GLIS3: variants seen among roughly 807,000 people sequenced by gnomAD.
The protein encoded by GLIS3 is zinc finger protein GLIS3.
Under a neutral mutation model 78.6 loss-of-function variants are expected in GLIS3, and 53 were observed. The observed-to-expected ratio is 0.67, with a 90% CI of 0.54 to 0.85. GLIS3 has a LOEUF of 0.85. Among genes scored for constraint, GLIS3 ranks in the 40% least tolerant of loss-of-function variants. GLIS3 has a pLI of 0.00. For missense variants in GLIS3, 1,703 were observed against 1,231.1 expected (o/e 1.38, Z -5.74); for synonymous variants, 684 against 509.9 (o/e 1.34, Z -4.60).
In GLIS3 at chr9:4,213,746, G is replaced by A. The variant is rs116228242; in HGVS notation, c.388+72292C>T. ...ACTTGATAAATATTTGGGAATTAAT[G>A]CATAATATACATGTGCTCTGAGTGC... On this transcript the variant is annotated intron_variant, in intron 2 of 10. Transcript: ENST00000381971. Among the ~76,000 whole-genome samples, 445 of 152,134 alleles carry A rather than the reference G, an allele frequency of 2.9e-3. 2 individuals are homozygous for A. Among genetic ancestry groups the A allele is most frequent in the African/African-American group, 1.0e-2 (414 of 41,508 alleles).
chr9:4,345,659 T>G (rs10974482), intron 2 of GLIS3, among the ~76,000 whole-genome samples: 31,175 of 152,156 alleles, frequency 0.2, 3,364 homozygotes, highest in East Asian at 0.34. Flanking sequence ...ATACAGAAAT[T>G]TATCTTCTTT....
chr9:4,272,309 C>T (rs867986214), intron 2 of GLIS3, among the ~76,000 whole-genome samples: 1 of 152,224 alleles, frequency 6.6e-6, no homozygotes, highest in Admixed American at 6.5e-5. Context: ...TACACCACCA[C>T]ACATAGTAGA....
intron 4 of GLIS3, among the ~76,000 whole-genome samples, chr9:4,007,008 A>T (rs142275716): frequency 9.2e-5 from 14 of 152,336 alleles, no homozygotes; most frequent in Middle Eastern, 3.4e-3. Flanking sequence ...AAGTGATGAT[A>T]TATTGGTGAT....
At chr9:4,314,358 GCT>G (rs370074317) in intron 2 of GLIS3, among the ~76,000 whole-genome samples, 1 of 152,138 alleles carries the variant, frequency 6.6e-6, no homozygotes, top group Non-Finnish European at 1.5e-5. Flanking sequence ...GCCACCCAAT[GCT>G]CTCTGTTTCC....
intron 2 of GLIS3, among the ~76,000 whole-genome samples, chr9:4,242,908 T>G (rs2129729683): frequency 6.6e-6 from 1 of 152,370 alleles, no homozygotes; most frequent in East Asian, 1.9e-4. Context: ...TTTTAAATTA[T>G]GTATGCCATT....
chr9:4,440,598 C>A, the GLIS3 span, among the ~76,000 whole-genome samples: 8 of 152,194 alleles, frequency 5.3e-5, no homozygotes, highest in East Asian at 1.5e-3. Context: ...TAGTGTTACA[C>A]CTTTGTTCAG....
chr9:3,908,702 A>ATTTTTTTTTT (rs1223677932), intron 6 of GLIS3, among the ~76,000 whole-genome samples: 2 of 29,078 alleles, frequency 6.9e-5, no homozygotes, highest in Non-Finnish European at 6.5e-5. Flanking sequence ...TGTGATTTGT[A>ATTTTTTTTTT]TTTGTTTTTT....
chr9:3,900,946 A>T (rs1331857207), intron 6 of GLIS3: 1 of 152,258 alleles, frequency 6.6e-6, no homozygotes, highest in East Asian at 1.9e-4. Context: ...AAAGAAGAAG[A>T]AACAGCTAGC....
upstream of GLIS3, among the ~76,000 whole-genome samples, chr9:4,303,233 G>A (rs200599952): frequency 6.7e-6 from 1 of 149,742 alleles, no homozygotes; most frequent in Non-Finnish European, 1.5e-5. Context: ...TGAGCTAATA[G>A]CACCAGTGAT....
At chr9:4,290,271 T>C (rs1441354019) in intron 1 of GLIS3, among the ~76,000 whole-genome samples, 1 of 152,132 alleles carries the variant, frequency 6.6e-6, no homozygotes, top group Non-Finnish European at 1.5e-5. Flanking sequence ...CACAAGCACT[T>C]CTTACTCTGC....
intron 4 of GLIS3, among the ~76,000 whole-genome samples, chr9:4,102,074 A>G (rs1459755938): frequency 6.6e-6 from 1 of 152,220 alleles, no homozygotes; most frequent in Non-Finnish European, 1.5e-5. Context: ...TCTGGCTTAA[A>G]ATACTGCACT....
the GLIS3 span, among the ~76,000 whole-genome samples, chr9:4,481,481 A>AAATT: frequency 1.7e-4 from 25 of 149,798 alleles, no homozygotes; most frequent in Non-Finnish European, 2.8e-4. Flanking sequence ...CCCCATCAAA[A>AAATT]AATTAATTAA....
At chr9:4,301,782 T>G (rs10758597), upstream of GLIS3, among the ~76,000 whole-genome samples, 118,463 of 152,154 alleles carry the variant, frequency 0.78, 49,117 homozygotes, top group East Asian at 0.95. Context: ...GAGAAAAAAA[T>G]ATAGTGCTAC....
chr9:4,488,906 G>A, the GLIS3 span, among the ~76,000 whole-genome samples: 1 of 149,810 alleles, frequency 6.7e-6, no homozygotes, highest in Non-Finnish European at 1.5e-5. Context: ...TCGCTCTGTC[G>A]CCTAGGCTGG....
intron 2 of GLIS3, among the ~76,000 whole-genome samples, chr9:4,327,192 C>T (rs114555379): frequency 3.7e-4 from 56 of 152,202 alleles, no homozygotes; most frequent in African/African-American, 1.3e-3. Flanking sequence ...GTGTCCCAGG[C>T]AGAGTGAACA....
the GLIS3 span, among the ~76,000 whole-genome samples, chr9:4,427,225 GA>G: frequency 6.6e-6 from 1 of 152,162 alleles, no homozygotes; most frequent in Admixed American, 6.5e-5. Context: ...AAACCATCCT[GA>G]TTGCAATTCT....
chr9:4,286,468 C>T lies in GLIS3; in HGVS notation c.-43G>A, dbSNP rs766150384. 80 of 1,609,622 alleles carry T rather than the reference C, an allele frequency of 5.0e-5. No homozygotes were observed. Among genetic ancestry groups the T allele is most frequent in the Non-Finnish European group, 6.4e-5 (76 of 1,178,898 alleles). On this transcript the variant is annotated 5_prime_UTR_variant, in exon 2 of 11. The change creates a new upstream start codon in the 5' untranslated region. Coordinates refer to ENST00000381971, the MANE Select transcript of GLIS3 (RefSeq NM_001042413.2). ...CAAGACGGTCAAATATCCAATGTCA[C>T]TAATGACTCCTTTCAGGCAAAGTCC...
Position 4,118,482 on chromosome 9 carries a change from G to A in GLIS3, c.996C>T (p.Asn332=), listed in dbSNP as rs779841747. ...GGTTGGCCGGCGAAGCCCTCGACCC[G>A]TTGATGTAGGCCACCAAGGACGTGG... is the stretch of plus-strand genomic sequence containing the variant. ...TSPTSLVAYI[N]GSRASPANLS... is the part of the protein sequence containing the mutation. Residue 332 remains asparagine (N), a synonymous_variant, in exon 4 of 11, where the codon AAC becomes AAT. Coordinates refer to ENST00000381971, the MANE Select transcript of GLIS3 (RefSeq NM_001042413.2). The surrounding 1 kb of genome is among the most constrained non-coding windows in gnomAD (Gnocchi z 4.7). 1.2e-5 allele frequency: 19 copies of A among 1,614,106 alleles called. No homozygotes were observed. The Middle Eastern group carries it at 1.8e-3, about 154-fold the overall frequency.
chr9:4,267,406 C>T (rs7046485), intron 2 of GLIS3, among the ~76,000 whole-genome samples: 3,513 of 152,262 alleles, frequency 0.023, 98 homozygotes, highest in African/African-American at 0.072. Context: ...GGCTTCTAAG[C>T]AGTGCTTTGC....
Sources: allele counts gnomAD v4.1 joint callset (sites outside exome capture counted in the v4.1 genomes callset), GRCh38; gene constraint gnomAD v4.1.1; non-coding constraint Gnocchi (gnomAD v3.1); transcripts MANE v1.5; gene names NCBI Gene and HGNC (gene_info 2026-07-23, HGNC 2026-07-21).